The following NRXN3 variants were observed in gnomAD, a reference collection of about 807,000 sequenced individuals.
NRXN3 encodes the protein neurexin III.
In NRXN3, 32 loss-of-function variants were observed where a neutral mutation model predicts 137.6. The observed-to-expected ratio is 0.23, with a 90% confidence interval of 0.18 to 0.31. The LOEUF (loss-of-function observed/expected upper bound fraction) is 0.31. Among genes scored for constraint, NRXN3 ranks in the 10% least tolerant of loss-of-function variants. NRXN3 has a pLI of 1.00. For missense variants in NRXN3, 1,574 were observed against 2,062.5 expected (o/e 0.76, Z 4.59); for synonymous variants, 798 against 784.5 (o/e 1.02, Z -0.29).
chr14:78,253,301 A>C (rs936973929), intron 2 of NRXN3, among the ~76,000 whole-genome samples: 1 of 152,208 alleles, frequency 6.6e-6, no homozygotes, highest in Non-Finnish European at 1.5e-5. Flanking sequence ...AGAGGATGCT[A>C]AGACATTTAT....
intron 6 of NRXN3, among the ~76,000 whole-genome samples, chr14:78,690,936 C>G (rs899184576): frequency 6.6e-6 from 1 of 152,052 alleles, no homozygotes; most frequent in Non-Finnish European, 1.5e-5. Flanking sequence ...GTGAAATTAC[C>G]AAGACACCGC....
At chr14:79,517,927 A>T in intron 16 of NRXN3, among the ~76,000 whole-genome samples, 2 of 88,868 alleles carry the variant, frequency 2.3e-5, no homozygotes, top group Non-Finnish European at 2.0e-5. Context: ...TTTTTTTGAG[A>T]CAGTGTCTCA....
chr14:79,334,214 A>G (rs1382193880), intron 15 of NRXN3, among the ~76,000 whole-genome samples: 5 of 152,198 alleles, frequency 3.3e-5, no homozygotes, highest in Non-Finnish European at 7.3e-5. Flanking sequence ...AAATAAATAT[A>G]TACTCTTCAA....
intron 8 of NRXN3, among the ~76,000 whole-genome samples, chr14:78,746,214 A>G (rs545557536): frequency 6.9e-4 from 105 of 152,312 alleles, no homozygotes; most frequent in African/African-American, 2.4e-3. Flanking sequence ...TCTAAGCTGT[A>G]AGTAGATTTT....
intron 16 of NRXN3, among the ~76,000 whole-genome samples, chr14:79,564,430 A>G (rs1284636007): frequency 1.3e-5 from 2 of 152,168 alleles, no homozygotes; most frequent in African/African-American, 4.8e-5. Flanking sequence ...GGTTTCAACA[A>G]TGTTGAGAAT....
intron 1 of NRXN3, among the ~76,000 whole-genome samples, chr14:78,181,973 C>T (rs771649438): frequency 2.0e-4 from 31 of 151,882 alleles, no homozygotes; most frequent in Non-Finnish European, 3.5e-4. Flanking sequence ...TTAGTTTATC[C>T]CTGATGGAAT....
At chr14:78,313,151 C>T (rs973952684) in intron 4 of NRXN3, among the ~76,000 whole-genome samples, 12 of 152,106 alleles carry the variant, frequency 7.9e-5, no homozygotes, top group African/African-American at 1.2e-4. Flanking sequence ...TGTTTTTAGC[C>T]GGCTTCCCTC....
chr14:79,773,550 T>G (rs1163966918), intron 19 of NRXN3, among the ~76,000 whole-genome samples: 1 of 145,980 alleles, frequency 6.9e-6, no homozygotes, highest in African/African-American at 2.5e-5. Context: ...ACACCGCATA[T>G]TCTCACTCAT....
chr14:78,613,652 A>G (rs1311873410), intron 4 of NRXN3, among the ~76,000 whole-genome samples: 1 of 141,622 alleles, frequency 7.1e-6, no homozygotes, highest in African/African-American at 2.7e-5. Context: ...TCTAGTTTCC[A>G]TACCAGGTGG....
chr14:79,755,527 C>T (rs938656851), intron 19 of NRXN3, among the ~76,000 whole-genome samples: 9 of 149,608 alleles, frequency 6.0e-5, no homozygotes, highest in African/African-American at 2.0e-4. Context: ...GTAAAAATAC[C>T]GAAGATTTTT....
chr14:78,814,218 C>T lies in NRXN3; in HGVS notation c.2275+3874C>T, dbSNP rs147226940. ...AATGTATTTCTTAATACACTTAATA[C>T]ATATAGTTCTAGCTTAGAATTTATT... On this transcript the variant is annotated intron_variant, in intron 10 of 20. Transcript: ENST00000335750. 2.0e-5 allele frequency among the ~76,000 whole-genome samples: 3 copies of T among 152,258 alleles called. No individual in the cohort carries two copies. The East Asian group carries it at 5.8e-4, about 29-fold the overall frequency.
chr14:79,740,715 TATATATATATATATATA>T (rs2098959211), intron 19 of NRXN3, among the ~76,000 whole-genome samples: 3 of 7,540 alleles, frequency 4.0e-4, no homozygotes, highest in Non-Finnish European at 7.9e-4. Context: ...TAGTTTTTTA[TATATATATATATATATA>T]TATATATATA....
intron 15 of NRXN3, among the ~76,000 whole-genome samples, chr14:79,193,975 G>A (rs1326157391): frequency 6.6e-6 from 1 of 152,126 alleles, no homozygotes; most frequent in African/African-American, 2.4e-5. Flanking sequence ...TGTAATAATA[G>A]AAATAACTAT....
intron 2 of NRXN3, chr14:78,250,144 AG>A (rs758837551): frequency 2.0e-6 from 1 of 509,298 alleles, no homozygotes; most frequent in Admixed American, 2.0e-5. Context: ...AAGATTGTGC[AG>A]GTATTAAGAG....
At chr14:79,277,082 G>A (rs2080404376) in intron 15 of NRXN3, among the ~76,000 whole-genome samples, 1 of 152,188 alleles carries the variant, frequency 6.6e-6, no homozygotes, top group African/African-American at 2.4e-5. Flanking sequence ...AATGGGAGGG[G>A]ATGCCTTCCA....
intron 15 of NRXN3, among the ~76,000 whole-genome samples, chr14:79,004,035 A>G (rs960411106): frequency 6.6e-6 from 1 of 152,198 alleles, no homozygotes; most frequent in African/African-American, 2.4e-5. Context: ...TCTGAGAATA[A>G]TTATGTAGGG....
At chr14:78,441,728 T>C (rs575241821) in intron 4 of NRXN3, among the ~76,000 whole-genome samples, 25 of 152,254 alleles carry the variant, frequency 1.6e-4, no homozygotes, top group Admixed American at 3.9e-4. Context: ...TGTAATGAAG[T>C]TAAGGATCTT....
intron 16 of NRXN3, among the ~76,000 whole-genome samples, chr14:79,539,678 C>T (rs2097253526): frequency 1.3e-5 from 2 of 152,146 alleles, no homozygotes; most frequent in African/African-American, 4.8e-5. Flanking sequence ...AGATGGATAA[C>T]ATAATCCTGA....
At chr14:79,515,344 A>G (rs1347432382) in intron 16 of NRXN3, among the ~76,000 whole-genome samples, 1 of 150,546 alleles carries the variant, frequency 6.6e-6, no homozygotes, top group African/African-American at 2.5e-5. Context: ...CCAGAATTTT[A>G]TTTGTGTTCC....
Sources: allele counts gnomAD v4.1 joint callset (sites outside exome capture counted in the v4.1 genomes callset), GRCh38; gene constraint gnomAD v4.1.1; transcripts MANE v1.5; gene names NCBI Gene and HGNC (gene_info 2026-07-23, HGNC 2026-07-21).